Variants in DNAH9 observed in about 807,000 individuals in gnomAD.
DNAH9 encodes the protein dynein axonemal heavy chain 9.
A neutral mutation model predicts 471.6 loss-of-function variants in DNAH9; 345 were observed. The ratio of observed to expected loss-of-function variants is 0.73; its 90% CI spans 0.67 to 0.80. The LOEUF (loss-of-function observed/expected upper bound fraction) is 0.80. Among genes scored for constraint, DNAH9 ranks in the 30% least tolerant of loss-of-function variants. The probability of loss-of-function intolerance (pLI) is 0.00; values close to 1 mark genes in which losing one functional copy is unlikely to be tolerated. For missense variants in DNAH9, 5,407 were observed against 5,609.2 expected, an observed-to-expected ratio of 0.96 and a Z score of 1.15; for synonymous variants, 2,093 against 2,123.6, an observed-to-expected ratio of 0.99 and a Z score of 0.40.
In DNAH9 at chr17:11,669,601, C is replaced by T. The variant is rs753209984; in HGVS notation, c.3160C>T (p.Leu1054Phe). Residue 1054 changes from leucine to phenylalanine, a missense_variant, in exon 17 of 69, where the codon CTC becomes TTC. Coordinates refer to ENST00000262442, the MANE Select transcript of DNAH9 (RefSeq NM_001372.4). ...VEDGIPENPP[L>F]LSQFKVQIDS... ...AGATGGCATCCCAGAGAACCCTCCCCTCCTTTCTCAGTTTAAAGTGCAAAT... is the reference window on the plus strand; with the variant it reads ...AGATGGCATCCCAGAGAACCCTCCCTTCCTTTCTCAGTTTAAAGTGCAAAT... 1.1e-5 allele frequency: 18 copies of T among 1,614,076 alleles called. No homozygotes were observed. The highest frequency in any genetic ancestry group is 1.4e-5 in the Non-Finnish European group (16 of 1,180,032).
At chr17:11,799,076 C>G (rs1023559202) in intron 43 of DNAH9, among the ~76,000 whole-genome samples, 1 of 152,176 alleles carries the variant, frequency 6.6e-6, no homozygotes, top group Non-Finnish European at 1.5e-5. Context: ...CTCTTGGCAT[C>G]TAGCTAATAA....
intron 52 of DNAH9, among the ~76,000 whole-genome samples, chr17:11,873,092 C>A (rs1008032579): frequency 6.6e-6 from 1 of 152,192 alleles, no homozygotes; most frequent in African/African-American, 2.4e-5. Context: ...GCTCACCTGA[C>A]AATTAGCTGA....
At chr17:11,608,378 T>G (rs2150635996) in intron 2 of DNAH9, 53 bp downstream of exon 2, 2 of 1,360,574 alleles carry the variant, frequency 1.5e-6, no homozygotes, top group East Asian at 2.3e-5. Flanking sequence ...GAGATGCTGG[T>G]TATCAGAATG....
chr17:11,663,252 C>A (rs2073808067), intron 14 of DNAH9, among the ~76,000 whole-genome samples: 1 of 152,188 alleles, frequency 6.6e-6, no homozygotes, highest in Non-Finnish European at 1.5e-5. Flanking sequence ...TGCAACTATT[C>A]TTTACCAGAG....
At chr17:11,967,537 T>C (rs1030214894) in intron 68 of DNAH9, among the ~76,000 whole-genome samples, 1 of 152,036 alleles carries the variant, frequency 6.6e-6, no homozygotes, top group South Asian at 2.1e-4. Context: ...ACTAGAGAAA[T>C]AAAAAAGACA....
At chr17:11,959,866 G>A (rs1975932875) in intron 67 of DNAH9, among the ~76,000 whole-genome samples, 1 of 152,178 alleles carries the variant, frequency 6.6e-6, no homozygotes, top group South Asian at 2.1e-4. Flanking sequence ...GAAAATGTTT[G>A]TAATTCACAC....
chr17:11,923,942 G>A lies in DNAH9; in HGVS notation c.11877+1G>A. 1 of 1,613,612 alleles carries A rather than the reference G, an allele frequency of 6.2e-7. No individual in the cohort carries two copies. The highest frequency in any genetic ancestry group is 8.5e-7 in the Non-Finnish European group (1 of 1,179,686). On this transcript the variant is annotated splice_donor_variant, in intron 62 of 68. Transcript: ENST00000262442. LOFTEE classifies it high-confidence loss of function. ...GAAAGGTCACTGGGTTATTTTGCAG[G>A]TATGTTCCTCTACCCTTGTCTGGGT...
intron 38 of DNAH9, among the ~76,000 whole-genome samples, chr17:11,776,353 C>CA (rs78587925): frequency 0.03 from 3,396 of 112,626 alleles, 97 homozygotes; most frequent in African/African-American, 0.083. Flanking sequence ...CATCTGCATT[C>CA]AAAAAAAAAA....
At position 11,818,395 on chromosome 17, in the gene DNAH9, C is replaced by T. The variant is rs185521739; in HGVS notation, c.8708-3525C>T. Reference sequence around the variant, plus strand: ...AGTGAGCCAAGATCATGCCACTGCACTCCAGCCTGGTGACAGAGCAAGACT... The same window carrying T: ...AGTGAGCCAAGATCATGCCACTGCATTCCAGCCTGGTGACAGAGCAAGACT... On this transcript the variant is annotated intron_variant, in intron 45 of 68. Transcript: ENST00000262442. Among the ~76,000 whole-genome samples, 17 of 151,148 alleles carry T rather than the reference C, an allele frequency of 1.1e-4. No individual in the cohort carries two copies. The East Asian group carries it at 2.5e-3, about 23-fold the overall frequency.
Position 11,930,083 on chromosome 17 carries a change from A to G in DNAH9, c.12095A>G (p.Asn4032Ser). ...GCCAACCTGCACAAGGCCCTGGACAACTTCACTCAGGTACGGCCCCGGGAG... is the reference window on the plus strand; with the variant it reads ...GCCAACCTGCACAAGGCCCTGGACAGCTTCACTCAGGTACGGCCCCGGGAG... ...MHANLHKALDNFTQDTLEMCS... is the reference protein window; with the variant it reads ...MHANLHKALDSFTQDTLEMCS... Residue 4032 changes from asparagine (N) to serine (S), a missense_variant, in exon 63 of 69, where the codon AAC (asparagine) becomes AGC (serine). Asn to Ser is a conservative substitution (Grantham distance 46). Coordinates refer to ENST00000262442, the MANE Select transcript of DNAH9 (RefSeq NM_001372.4). 6.2e-6 allele frequency: 10 copies of G among 1,613,632 alleles called. No homozygotes were observed. The highest frequency in any genetic ancestry group is 7.6e-6 in the Non-Finnish European group (9 of 1,179,818).
chr17:11,736,051 TAAA>T, intron 28 of DNAH9, among the ~76,000 whole-genome samples: 1 of 152,340 alleles, frequency 6.6e-6, no homozygotes, highest in African/African-American at 2.4e-5. Context: ...AGAAAAGTTG[TAAA>T]AATAGCATCG....
chr17:11,793,697 T>TG, intron 42 of DNAH9, 33 bp downstream of exon 42: 1 of 1,501,838 alleles, frequency 6.7e-7, no homozygotes, highest in Non-Finnish European at 9.0e-7. Flanking sequence ...TCTTTGTATT[T>TG]GAAAAAAAAA....
At chr17:11,863,698 C>A (rs1388236915) in intron 50 of DNAH9, among the ~76,000 whole-genome samples, 4 of 150,458 alleles carry the variant, frequency 2.7e-5, no homozygotes, top group East Asian at 2.0e-4. Context: ...ACAATTTCAG[C>A]TCCTGTTATT....
rs145223674 is a variant in DNAH9 at position 11,801,417 on chromosome 17, C to T, written c.8420+3624C>T. Among the ~76,000 whole-genome samples, 25 of 152,320 alleles carry T rather than the reference C, an allele frequency of 1.6e-4. 2 individuals are homozygous for T. Among genetic ancestry groups the T allele is most frequent in the African/African-American group, 6.0e-4 (25 of 41,586 alleles). On this transcript the variant is annotated intron_variant, in intron 43 of 68. Transcript: ENST00000262442. ...CATTAAAAGTTCAACCTGCCGGGCA[C>T]CGTGGCTCATGCCTGTAATCCCAGC... is the stretch of plus-strand genomic sequence containing the variant.
At chr17:11,828,597 A>T (rs1054079665) in intron 48 of DNAH9, among the ~76,000 whole-genome samples, 7 of 152,142 alleles carry the variant, frequency 4.6e-5, no homozygotes, top group Non-Finnish European at 8.8e-5. Context: ...CTAGACCAGC[A>T]CTACCCTTGC....
intron 14 of DNAH9, among the ~76,000 whole-genome samples, chr17:11,653,877 A>C (rs2073566001): frequency 6.6e-6 from 1 of 152,116 alleles, no homozygotes; most frequent in Non-Finnish European, 1.5e-5. Context: ...TCTGCTTTTC[A>C]TTCGTCTTTC....
At chr17:11,794,406 T>A (rs1249481488) in intron 42 of DNAH9, among the ~76,000 whole-genome samples, 2 of 152,196 alleles carry the variant, frequency 1.3e-5, no homozygotes, top group African/African-American at 2.4e-5. Context: ...TTTTAAAGAC[T>A]GAAAATTTGG....
chr17:11,775,298 T>C (rs1230297842), intron 38 of DNAH9, among the ~76,000 whole-genome samples: 2 of 152,326 alleles, frequency 1.3e-5, no homozygotes, highest in Middle Eastern at 3.4e-3. Context: ...GAAGCTGTTA[T>C]TATAATCATA....
chr17:11,669,832 G>C (rs1434447256), intron 17 of DNAH9, 38 bp downstream of exon 17: 5 of 1,541,044 alleles, frequency 3.2e-6, no homozygotes, highest in Non-Finnish European at 3.6e-6. Flanking sequence ...AGCATGCTAG[G>C]CTGTGAGGAA....
Sources: allele counts gnomAD v4.1 joint callset (sites outside exome capture counted in the v4.1 genomes callset), GRCh38; gene constraint gnomAD v4.1.1; transcripts MANE v1.5; gene names NCBI Gene and HGNC (gene_info 2026-07-23, HGNC 2026-07-21).